BMPR1B: variants seen among roughly 807,000 people sequenced by gnomAD.
BMPR1B encodes the protein bone morphogenetic protein receptor type-1B.
Under a neutral mutation model 59.1 loss-of-function variants are expected in BMPR1B, and 12 were observed. That is an observed-to-expected ratio of 0.20 (90% CI 0.13 to 0.33). BMPR1B has a LOEUF of 0.33. Ranked by LOEUF, BMPR1B falls within the 10% of genes least tolerant of loss-of-function variation. BMPR1B has a pLI of 1.00. For missense variants in BMPR1B, 550 were observed against 610.9 expected, an observed-to-expected ratio of 0.90 and a Z score of 1.05; for synonymous variants, 237 against 207.3, an observed-to-expected ratio of 1.14 and a Z score of -1.23.
At chr4:95,110,570 A>G (rs1731557604) in intron 4 of BMPR1B, among the ~76,000 whole-genome samples, 1 of 152,154 alleles carries the variant, frequency 6.6e-6, no homozygotes, top group South Asian at 2.1e-4. Flanking sequence ...ATGGGAATCC[A>G]TCATCTAAGA....
chr4:95,032,747 C>A (rs1724969275), intron 3 of BMPR1B, among the ~76,000 whole-genome samples: 1 of 152,166 alleles, frequency 6.6e-6, no homozygotes, highest in African/African-American at 2.4e-5. Flanking sequence ...GTGTAGACCA[C>A]ATTTCATTTA....
chr4:94,832,010 C>A (rs1443005642), intron 1 of BMPR1B, among the ~76,000 whole-genome samples: 1 of 152,172 alleles, frequency 6.6e-6, no homozygotes, highest in South Asian at 2.1e-4. Context: ...CCCACTGATT[C>A]TACATCATGG....
At chr4:94,801,585 C>T (rs1407533215) in intron 1 of BMPR1B, among the ~76,000 whole-genome samples, 1 of 152,172 alleles carries the variant, frequency 6.6e-6, no homozygotes, top group Admixed American at 6.5e-5. Context: ...GTCATAACAA[C>T]TTCATGACTA....
chr4:94,784,674 T>C (rs1053087088), intron 1 of BMPR1B, among the ~76,000 whole-genome samples: 2 of 152,104 alleles, frequency 1.3e-5, no homozygotes, highest in Non-Finnish European at 2.9e-5. Context: ...TTAACATACA[T>C]TGGCATAAAA....
At position 94,946,966 on chromosome 4, in the gene BMPR1B, C is replaced by T. The variant is rs769444747; in HGVS notation, c.-112-49074C>T. 2.4e-4 allele frequency among the ~76,000 whole-genome samples: 37 copies of T among 152,112 alleles called. 1 individual carries two copies. The highest frequency in any genetic ancestry group is 7.8e-4 in the East Asian group (4 of 5,158). On this transcript the variant is annotated intron_variant, in intron 2 of 12. Coordinates refer to ENST00000515059, the MANE Select transcript of BMPR1B (RefSeq NM_001203.3). ...ACCCGGGAGACTGAAGTGGGGAAAT[C>T]GCCTGAACCGGGGAGGCAGAGGTTG...
chr4:94,796,439 T>C (rs1359454863), intron 1 of BMPR1B, among the ~76,000 whole-genome samples: 1 of 152,188 alleles, frequency 6.6e-6, no homozygotes, highest in Non-Finnish European at 1.5e-5. Context: ...CTGAATAGCA[T>C]GGACAGTTAG....
At chr4:94,926,218 T>C (rs538402534) in intron 2 of BMPR1B, among the ~76,000 whole-genome samples, 1 of 151,460 alleles carries the variant, frequency 6.6e-6, no homozygotes, top group East Asian at 2.0e-4. Flanking sequence ...TTATGAAAAA[T>C]AGGTATGCTC....
rs748788086 is a variant in BMPR1B at position 95,156,844 on chromosome 4, C to T, written c.*2171C>T. On this transcript the variant is annotated 3_prime_UTR_variant, in exon 13 of 13. Transcript: ENST00000515059. ...ATGGTTAGAACTAAGTGTGACTAAT[C>T]ATCTGAGCCTTGAAGAGAAACTTCA... The T allele has an allele frequency of 7.9e-5, 12 of 152,128 alleles. No individual in the cohort carries two copies. Among genetic ancestry groups the T allele is most frequent in the African/African-American group, 1.2e-4 (5 of 41,442 alleles). The allele number at this position is 152,128 out of a possible 1,614,324, so 9.4% of individuals were successfully genotyped here.
At chr4:94,929,954 G>A (rs1729031637) in intron 2 of BMPR1B, among the ~76,000 whole-genome samples, 1 of 151,978 alleles carries the variant, frequency 6.6e-6, no homozygotes, top group Non-Finnish European at 1.5e-5. Context: ...CAGAAACCTA[G>A]GAATTGTCCC....
chr4:94,943,035 T>C (rs1197783015), intron 2 of BMPR1B, among the ~76,000 whole-genome samples: 1 of 152,182 alleles, frequency 6.6e-6, no homozygotes, highest in Non-Finnish European at 1.5e-5. Context: ...TAGAAAATTA[T>C]AACAATTAGT....
intron 10 of BMPR1B, among the ~76,000 whole-genome samples, chr4:95,134,771 C>T (rs1733643901): frequency 6.6e-6 from 1 of 152,156 alleles, no homozygotes; most frequent in East Asian, 1.9e-4. Flanking sequence ...AGCCCTTTGT[C>T]AGATGAGTAG....
At chr4:94,828,609 A>G (rs1724465032) in intron 1 of BMPR1B, among the ~76,000 whole-genome samples, 1 of 152,194 alleles carries the variant, frequency 6.6e-6, no homozygotes. Context: ...GGCATATAGA[A>G]TATGCAGCAT....
chr4:94,800,064 T>G (rs1723349013), intron 1 of BMPR1B, among the ~76,000 whole-genome samples: 1 of 152,224 alleles, frequency 6.6e-6, no homozygotes, highest in South Asian at 2.1e-4. Flanking sequence ...AAGCGTTCTC[T>G]ATTTATGTAG....
intron 2 of BMPR1B, among the ~76,000 whole-genome samples, chr4:94,886,564 A>G (rs941301110): frequency 1.3e-5 from 2 of 152,210 alleles, no homozygotes; most frequent in African/African-American, 4.8e-5. Flanking sequence ...AAAAATGACC[A>G]CCTACCTTCC....
chr4:95,125,231 A>G (rs1396727944), intron 8 of BMPR1B, 110 bp downstream of exon 8: 35 of 1,407,286 alleles, frequency 2.5e-5, no homozygotes, highest in South Asian at 7.3e-5. Flanking sequence ...AGAAAGCTCT[A>G]TGCAGTCTGT....
intron 2 of BMPR1B, among the ~76,000 whole-genome samples, chr4:94,942,631 T>C (rs1578830517): frequency 6.6e-6 from 1 of 152,354 alleles, no homozygotes; most frequent in East Asian, 1.9e-4. Context: ...ATTGTAGTTA[T>C]ATGTAACAGA....
chr4:94,887,403 C>CAAAAAAAAAAAAAAAAAAAAAAAAAAAAA (rs57818132), intron 2 of BMPR1B, among the ~76,000 whole-genome samples: 1 of 54,810 alleles, frequency 1.8e-5, no homozygotes, highest in Non-Finnish European at 3.5e-5. Flanking sequence ...CACCCCCCAC[C>CAAAAAAAAAAAAAAAAAAAAAAAAAAAAA]AAAAAAAAAA....
intron 3 of BMPR1B, among the ~76,000 whole-genome samples, chr4:95,087,451 C>G (rs1228111512): frequency 6.6e-6 from 1 of 152,078 alleles, no homozygotes; most frequent in East Asian, 1.9e-4. Context: ...TACCTCTCAG[C>G]CAGGTGCAGT....
intron 3 of BMPR1B, among the ~76,000 whole-genome samples, chr4:95,017,779 G>A (rs1192636637): frequency 6.6e-6 from 1 of 152,076 alleles, no homozygotes; most frequent in Non-Finnish European, 1.5e-5. Flanking sequence ...AATGGCCTTG[G>A]TATATATCTT....
Sources: allele counts gnomAD v4.1 joint callset (sites outside exome capture counted in the v4.1 genomes callset), GRCh38; gene constraint gnomAD v4.1.1; transcripts MANE v1.5; gene names NCBI Gene and HGNC (gene_info 2026-07-23, HGNC 2026-07-21).